KRIT1: variants seen among roughly 807,000 people sequenced by gnomAD.
The protein encoded by KRIT1 is KRIT1 ankyrin repeat containing, also known as krev interaction trapped protein 1.
KRIT1 carries 45 observed loss-of-function variants against 95.8 expected under a neutral mutation model. The ratio of observed to expected loss-of-function variants is 0.47; its 90% CI spans 0.37 to 0.60. The LOEUF is 0.60. KRIT1 is among the 20% of genes least tolerant of loss of function. The probability of loss-of-function intolerance (pLI) is 0.00; values close to 1 mark genes in which losing one functional copy is unlikely to be tolerated. For missense variants in KRIT1, 788 were observed against 877.5 expected, an observed-to-expected ratio of 0.90 and a Z score of 1.29; for synonymous variants, 282 against 278.8, an observed-to-expected ratio of 1.01 and a Z score of -0.11.
chr7:92,207,526 A>AC (rs1791831666), intron 17 of KRIT1, among the ~76,000 whole-genome samples: 1 of 152,204 alleles, frequency 6.6e-6, no homozygotes, highest in African/African-American at 2.4e-5. Flanking sequence ...AAATAAATTA[A>AC]CAAAAAAACA....
In KRIT1 at chr7:92,213,270, G is replaced by A. The variant is rs1206866830; in HGVS notation, c.1950C>T (p.Pro650=). The change falls in exon 17 of 19, where the codon CCC becomes CCT. Residue 650 remains proline (P), a synonymous_variant. Coordinates refer to ENST00000394505, the MANE Select transcript of KRIT1 (RefSeq NM_194454.3). ...FTGQIFTKAS[P]SNHKVIPVYV... ...ACACAGGGATGACTTTATGATTGCT[G>A]GGGCTTGCCTTTGTAAATATCTGTC... is the stretch of plus-strand genomic sequence containing the variant. 3.1e-6 allele frequency: 5 copies of A among 1,613,572 alleles called. No individual in the cohort carries two copies. The highest frequency in any genetic ancestry group is 4.2e-6 in the Non-Finnish European group (5 of 1,179,608).
chr7:92,224,560 T>C lies in KRIT1; in HGVS notation c.1254+1160A>G, dbSNP rs1192052989. 2.6e-5 allele frequency among the ~76,000 whole-genome samples: 4 copies of C among 152,314 alleles called. No individual in the cohort carries two copies. The East Asian group carries it at 5.8e-4, about 22-fold the overall frequency. ...TTTCTTCTCATTGTTAATTCTTCTGTATTTTAATGTCACTAATTTGAGCTT... is the reference window on the plus strand; with the variant it reads ...TTTCTTCTCATTGTTAATTCTTCTGCATTTTAATGTCACTAATTTGAGCTT... On this transcript the variant is annotated intron_variant, in intron 12 of 18. Coordinates refer to ENST00000394505, the MANE Select transcript of KRIT1 (RefSeq NM_194454.3).
Position 92,236,521 on chromosome 7 carries a change from G to A in KRIT1, c.377C>T (p.Thr126Ile). 6.4e-7 allele frequency: 1 copy of A among 1,551,214 alleles called. No individual in the cohort carries two copies. Among genetic ancestry groups the A allele is most frequent in the Non-Finnish European group, 8.9e-7 (1 of 1,123,398 alleles). ...GCAGTAAAAAATTGGGCATCCTGGG[G>A]TATATGTGTATTTAGTATTATCTGA... ...VVKDNTKYTY[T>I]PGCPIFYCLQ... is the part of the protein sequence containing the mutation. Residue 126 changes from threonine (T) to isoleucine (I), a missense_variant, in exon 7 of 19, where the codon ACC becomes ATC. Coordinates refer to ENST00000394505, the MANE Select transcript of KRIT1 (RefSeq NM_194454.3).
intron 3 of KRIT1, among the ~76,000 whole-genome samples, chr7:92,243,482 T>G (rs1800140496): frequency 6.6e-6 from 1 of 152,222 alleles, no homozygotes; most frequent in Non-Finnish European, 1.5e-5. Flanking sequence ...TGTTCATATT[T>G]AATGAGTTCC....
chr7:92,214,314 C>T (rs1010171112), intron 15 of KRIT1, among the ~76,000 whole-genome samples: 1 of 151,966 alleles, frequency 6.6e-6, no homozygotes, highest in African/African-American at 2.4e-5. Context: ...GTACATCTGC[C>T]TTATAAAATG....
intron 14 of KRIT1, among the ~76,000 whole-genome samples, chr7:92,220,375 T>C (rs1434579652): frequency 2.0e-5 from 3 of 152,286 alleles, no homozygotes; most frequent in South Asian, 4.1e-4. Context: ...GTAAATTTCA[T>C]AGCAATTTTT....
chr7:92,212,744 ATAGG>A (rs1330130158), intron 17 of KRIT1, among the ~76,000 whole-genome samples: 2 of 152,198 alleles, frequency 1.3e-5, no homozygotes, highest in Non-Finnish European at 2.9e-5. Context: ...CCTGAACTAG[ATAGG>A]TATGTAATGA....
chr7:92,236,094 A>G (rs1409754474), intron 7 of KRIT1: 2 of 271,836 alleles, frequency 7.4e-6, no homozygotes, highest in East Asian at 1.8e-4. Flanking sequence ...AGACAAAGGC[A>G]TAAGAGGTTG....
At chr7:92,239,775 A>G (rs917783977) in intron 5 of KRIT1, among the ~76,000 whole-genome samples, 4 of 150,916 alleles carry the variant, frequency 2.7e-5, no homozygotes, top group Admixed American at 2.6e-4. Flanking sequence ...CAGTGGCACA[A>G]TCTTGGCTCA....
chr7:92,209,831 G>C (rs572855705), intron 17 of KRIT1, among the ~76,000 whole-genome samples: 1 of 152,238 alleles, frequency 6.6e-6, no homozygotes, highest in Non-Finnish European at 1.5e-5. Context: ...GGGAGGCCGA[G>C]GTGGGTGGAT....
Position 92,217,639 on chromosome 7 carries a change from T to C in KRIT1, c.1564-2862A>G, listed in dbSNP as rs534314384. 1.1e-3 allele frequency among the ~76,000 whole-genome samples: 174 copies of C among 152,354 alleles called. 1 individual carries two copies. The highest frequency in any genetic ancestry group is 4.0e-3 in the African/African-American group (165 of 41,594). On this transcript the variant is annotated intron_variant, in intron 14 of 18. Transcript: ENST00000394505. The stretch of plus-strand genomic sequence containing the variant: ...GTGAATAATACTCTACTTGTATATA[T>C]AGATCACATTTTGTTTGTCCACTCA...
At chr7:92,203,413 CTA>C (rs772342649) in intron 17 of KRIT1, among the ~76,000 whole-genome samples, 3 of 152,158 alleles carry the variant, frequency 2.0e-5, no homozygotes, top group Non-Finnish European at 4.4e-5. Flanking sequence ...AAGGTAATGA[CTA>C]GATGGATAGA....
chr7:92,242,146 A>G lies in KRIT1; in HGVS notation c.-2-9T>C. On this transcript the variant is annotated splice_polypyrimidine_tract_variant and intron_variant, in intron 3 of 18. Coordinates refer to ENST00000394505, the MANE Select transcript of KRIT1 (RefSeq NM_194454.3). ...TTCTGGATTTCCCATTGCTTTACAA[A>G]ACAAATAAAAAAATCCTTTGAAAGA... 6.9e-7 allele frequency: 1 copy of G among 1,446,044 alleles called. No individual in the cohort carries two copies. 89.6% of individuals were successfully genotyped at this position (1,446,044 alleles called of 1,614,324 possible).
intron 17 of KRIT1, chr7:92,203,876 A>C (rs773238951): frequency 6.6e-6 from 1 of 152,268 alleles, no homozygotes. Flanking sequence ...TTAGTACAAG[A>C]GAAATAGAAA....
chr7:92,204,029 G>T (rs1319072836), intron 17 of KRIT1: 1 of 152,230 alleles, frequency 6.6e-6, no homozygotes, highest in Admixed American at 6.6e-5. Context: ...TAGAGATAAG[G>T]TCTCACTTTG....
chr7:92,209,490 A>C (rs1183108966), intron 17 of KRIT1, among the ~76,000 whole-genome samples: 1 of 152,230 alleles, frequency 6.6e-6, no homozygotes, highest in Non-Finnish European at 1.5e-5. Flanking sequence ...AACAGAACTG[A>C]TAAAACAAAT....
intron 17 of KRIT1, among the ~76,000 whole-genome samples, chr7:92,203,429 T>C (rs943667017): frequency 1.3e-5 from 2 of 152,148 alleles, no homozygotes; most frequent in Non-Finnish European, 2.9e-5. Flanking sequence ...GGATAGAAAA[T>C]ACCTTTACTC....
intron 6 of KRIT1, among the ~76,000 whole-genome samples, chr7:92,236,762 T>C (rs543633184): frequency 2.0e-4 from 31 of 152,264 alleles, no homozygotes; most frequent in African/African-American, 6.7e-4. Flanking sequence ...GCAGAAACTG[T>C]TTCATCTTTA....
chr7:92,242,106 T>C lies in KRIT1; in HGVS notation c.30A>G (p.Ala10=), dbSNP rs148129616. Residue 10 remains alanine, a synonymous_variant, in exon 4 of 19, where the codon GCA becomes GCG. Transcript: ENST00000394505. The stretch of plus-strand genomic sequence containing the variant: ...TCTTTGGACGAATAACAGCAACATA[T>C]GCATCTTCTATGTTTTCTGGATTTC... MGNPENIED[A]YVAVIRPKNT... 5.2e-5 allele frequency: 84 copies of C among 1,601,454 alleles called. No individual in the cohort carries two copies. Among genetic ancestry groups the C allele is most frequent in the African/African-American group, 1.3e-4 (10 of 74,780 alleles).
Sources: allele counts gnomAD v4.1 joint callset (sites outside exome capture counted in the v4.1 genomes callset), GRCh38; gene constraint gnomAD v4.1.1; transcripts MANE v1.5; gene names NCBI Gene and HGNC (gene_info 2026-07-23, HGNC 2026-07-21).